GALNT1: variants seen among roughly 807,000 people sequenced by gnomAD.
GALNT1 encodes the protein polypeptide N-acetylgalactosaminyltransferase 1.
In GALNT1, 17 loss-of-function variants were observed where a neutral mutation model predicts 65.7. That is an observed-to-expected ratio of 0.26 (90% CI 0.18 to 0.39). The LOEUF (loss-of-function observed/expected upper bound fraction) is 0.39, where lower values mean the gene tolerates loss of function less well. GALNT1 is among the 10% of genes least tolerant of loss of function. The probability of loss-of-function intolerance (pLI) is 1.00; values close to 1 mark genes in which losing one functional copy is unlikely to be tolerated. For missense variants in GALNT1, 460 were observed against 672.8 expected (o/e 0.68, Z 3.50); for synonymous variants, 210 against 219.7 (o/e 0.96, Z 0.39).
At chr18:35,617,122 T>C (rs1450805881) in intron 1 of GALNT1, among the ~76,000 whole-genome samples, 1 of 152,084 alleles carries the variant, frequency 6.6e-6, no homozygotes, top group East Asian at 1.9e-4. Flanking sequence ...CCATTTCCTG[T>C]CTGTGGCTAC....
intron 1 of GALNT1, among the ~76,000 whole-genome samples, chr18:35,623,467 A>G (rs1012486904): frequency 1.3e-5 from 2 of 151,762 alleles, no homozygotes; most frequent in South Asian, 2.1e-4. Context: ...TTCTTCCCCA[A>G]ATGTGGCCAT....
chr18:35,671,865 C>T (rs1013831799), intron 3 of GALNT1, among the ~76,000 whole-genome samples: 1 of 152,174 alleles, frequency 6.6e-6, no homozygotes, highest in African/African-American at 2.4e-5. Context: ...TATTATTCTT[C>T]AATTGTGGGA....
chr18:35,657,372 G>A (rs2047406852), intron 2 of GALNT1, among the ~76,000 whole-genome samples: 1 of 152,220 alleles, frequency 6.6e-6, no homozygotes, highest in African/African-American at 2.4e-5. Context: ...GGGATTACAG[G>A]TGTGAACAAC....
chr18:35,583,015 A>G (rs749647364), intron 1 of GALNT1, among the ~76,000 whole-genome samples: 6 of 152,212 alleles, frequency 3.9e-5, no homozygotes, highest in Non-Finnish European at 8.8e-5. Context: ...TCTAAATTAT[A>G]CATACATTTG....
chr18:35,688,990 T>C lies in GALNT1; in HGVS notation c.861-183T>C, dbSNP rs567285322. 2.0e-4 allele frequency among the ~76,000 whole-genome samples: 30 copies of C among 152,278 alleles called. No individual in the cohort carries two copies. The South Asian group carries it at 6.0e-3, about 31-fold the overall frequency. The stretch of plus-strand genomic sequence containing the variant: ...CAGCATGACCATGGTGCAGGTCATG[T>C]GTGAAGACCAAATAACACAGCATAA... On this transcript the variant is annotated intron_variant, in intron 6 of 11. Transcript: ENST00000269195.
chr18:35,618,878 T>C (rs1195573014), intron 1 of GALNT1, among the ~76,000 whole-genome samples: 2 of 152,136 alleles, frequency 1.3e-5, no homozygotes, highest in Admixed American at 1.3e-4. Context: ...AGCCTGAGAC[T>C]ACAGGGCAGA....
At chr18:35,682,612 T>G (rs977857916) in intron 4 of GALNT1, among the ~76,000 whole-genome samples, 9 of 152,142 alleles carry the variant, frequency 5.9e-5, no homozygotes, top group African/African-American at 2.2e-4. Context: ...CTTTTCTGCT[T>G]TTTAAAGTCA....
chr18:35,652,474 AC>A (rs992984609), intron 1 of GALNT1, among the ~76,000 whole-genome samples: 1 of 151,950 alleles, frequency 6.6e-6, no homozygotes, highest in African/African-American at 2.4e-5. Context: ...CCCTCTGCCA[AC>A]CCCAGCTGCT....
chr18:35,636,646 A>G (rs905594538), intron 1 of GALNT1, among the ~76,000 whole-genome samples: 2 of 152,152 alleles, frequency 1.3e-5, no homozygotes, highest in African/African-American at 2.4e-5. Flanking sequence ...TGTACCACCT[A>G]CAGTACCTGA....
intron 1 of GALNT1, among the ~76,000 whole-genome samples, chr18:35,623,775 ATTTG>A (rs765895254): frequency 3.7e-4 from 56 of 151,898 alleles, no homozygotes; most frequent in Middle Eastern, 6.8e-3. Flanking sequence ...TAAAGTTTTA[ATTTG>A]TTTGATAAGA....
rs755220232 is a variant in GALNT1 at position 35,703,610 on chromosome 18, A to G, written c.1500A>G (p.Leu500=). 1.4e-5 allele frequency: 23 copies of G among 1,613,910 alleles called. No individual in the cohort carries two copies. The South Asian group carries it at 2.4e-4, about 17-fold the overall frequency. ...TTACAATGCTCAAATGCCACCACCT[A>G]AAAGGCAACCAACTCTGGGAGTATG... The part of the protein sequence containing the change: ...GPVTMLKCHH[L]KGNQLWEYDP... Residue 500 remains leucine, a synonymous_variant, in exon 11 of 12, where the codon CTA becomes CTG. Transcript: ENST00000269195.
chr18:35,704,646 A>T (rs1230264722), intron 11 of GALNT1, among the ~76,000 whole-genome samples: 1 of 146,846 alleles, frequency 6.8e-6, no homozygotes, highest in Non-Finnish European at 1.5e-5. Flanking sequence ...TTTTTATTTT[A>T]TTTATTTATT....
intron 7 of GALNT1, 117 bp from the exon 8 acceptor site, chr18:35,690,895 G>A: frequency 1.1e-6 from 1 of 931,200 alleles, no homozygotes; most frequent in Non-Finnish European, 1.6e-6. Flanking sequence ...TTCCATTTAA[G>A]TTTAAACAAA....
chr18:35,689,988 A>T (rs1181620215), intron 7 of GALNT1, among the ~76,000 whole-genome samples: 1 of 151,792 alleles, frequency 6.6e-6, no homozygotes, highest in Admixed American at 6.6e-5. Context: ...GTTGGACTCA[A>T]TATCACCTTG....
intron 1 of GALNT1, chr18:35,627,356 C>T: frequency 6.6e-6 from 1 of 152,236 alleles, no homozygotes; most frequent in East Asian, 1.9e-4. Context: ...TTAAGTGGAA[C>T]AGGGTGGCTG....
rs1346468656 is a variant in GALNT1, at chr18:35,584,187, C to T, written c.-104+2325C>T. On this transcript the variant is annotated intron_variant, in intron 1 of 11. Transcript: ENST00000269195. ...CTGGCTTTCTTTGATGGACAGCTTT[C>T]CATACTCATTCTCATGAAAGGTCAC... Among the ~76,000 whole-genome samples the T allele has an allele frequency of 2.0e-5, 3 of 152,298 alleles. No individual in the cohort carries two copies. In the South Asian group the frequency reaches 6.2e-4, roughly 32 times the overall value.
chr18:35,605,987 A>G (rs1055411306), intron 1 of GALNT1, among the ~76,000 whole-genome samples: 2 of 152,232 alleles, frequency 1.3e-5, no homozygotes, highest in African/African-American at 2.4e-5. Flanking sequence ...ATATTTGTAC[A>G]TATCAAGGTA....
At chr18:35,605,935 A>G (rs865871289) in intron 1 of GALNT1, among the ~76,000 whole-genome samples, 1 of 152,188 alleles carries the variant, frequency 6.6e-6, no homozygotes, top group African/African-American at 2.4e-5. Context: ...TAGTCTTTGT[A>G]TTAGCAGTTC....
chr18:35,642,404 T>C (rs1334127141), intron 1 of GALNT1, among the ~76,000 whole-genome samples: 1 of 152,146 alleles, frequency 6.6e-6, no homozygotes, highest in Non-Finnish European at 1.5e-5. Flanking sequence ...CAAGTATAAA[T>C]AAGGCATTGT....
Sources: allele counts gnomAD v4.1 joint callset (sites outside exome capture counted in the v4.1 genomes callset), GRCh38; gene constraint gnomAD v4.1.1; transcripts MANE v1.5; gene names NCBI Gene and HGNC (gene_info 2026-07-23, HGNC 2026-07-21).